The following PRKG1 variants were observed in gnomAD, a reference collection of about 807,000 sequenced individuals.
The protein encoded by PRKG1 is cGMP-dependent protein kinase 1.
In PRKG1, 35 loss-of-function variants were observed where a neutral mutation model predicts 88.1. That is an observed-to-expected ratio of 0.40 (90% CI 0.30 to 0.53). PRKG1 has a LOEUF of 0.53. Among genes scored for constraint, PRKG1 ranks in the 20% least tolerant of loss-of-function variants. The pLI is 0.59. For missense variants in PRKG1, 540 were observed against 839.8 expected (o/e 0.64, Z 4.41); for synonymous variants, 303 against 292.5 (o/e 1.04, Z -0.37).
At chr10:51,887,788 T>G (rs1589390104) in intron 4 of PRKG1, among the ~76,000 whole-genome samples, 1 of 152,226 alleles carries the variant, frequency 6.6e-6, no homozygotes, top group East Asian at 1.9e-4. Flanking sequence ...TTTGTTTCTT[T>G]GTTTTTGTTT....
At chr10:51,317,150 C>T (rs1841343331) in intron 2 of PRKG1, among the ~76,000 whole-genome samples, 1 of 152,178 alleles carries the variant, frequency 6.6e-6, no homozygotes, top group African/African-American at 2.4e-5. Context: ...TAGCCAACTG[C>T]ACTTTAGATT....
At chr10:51,674,504 A>G (rs1840661837) in intron 3 of PRKG1, among the ~76,000 whole-genome samples, 1 of 152,190 alleles carries the variant, frequency 6.6e-6, no homozygotes, top group South Asian at 2.1e-4. Context: ...TAAATTTCTT[A>G]TGATATGAAA....
chr10:51,235,953 A>G (rs57957904), intron 2 of PRKG1, among the ~76,000 whole-genome samples: 6,346 of 152,246 alleles, frequency 0.042, 438 homozygotes, highest in African/African-American at 0.14. Flanking sequence ...TTTTGAATGT[A>G]TCAGAATCAC....
intron 2 of PRKG1, among the ~76,000 whole-genome samples, chr10:51,286,593 CAT>C (rs1840446696): frequency 6.6e-6 from 1 of 152,088 alleles, no homozygotes; most frequent in African/African-American, 2.4e-5. Context: ...TTTTAACTGA[CAT>C]ATACAGTTAT....
At chr10:52,222,940 A>T (rs1029071784) in intron 9 of PRKG1, among the ~76,000 whole-genome samples, 4 of 152,140 alleles carry the variant, frequency 2.6e-5, no homozygotes, top group Admixed American at 2.6e-4. Context: ...TTCTTTTGGA[A>T]CATTTGACTT....
At chr10:52,084,901 A>T (rs1846873127) in intron 7 of PRKG1, among the ~76,000 whole-genome samples, 1 of 152,024 alleles carries the variant, frequency 6.6e-6, no homozygotes, top group Non-Finnish European at 1.5e-5. Flanking sequence ...ACTATGCGAC[A>T]GCTTTCTTTG....
intron 2 of PRKG1, among the ~76,000 whole-genome samples, chr10:51,224,828 T>A (rs1203566211): frequency 6.6e-6 from 1 of 152,124 alleles, no homozygotes; most frequent in African/African-American, 2.4e-5. Flanking sequence ...CCACATATGG[T>A]TGAAATTATA....
chr10:52,069,691 G>C (rs11000691), intron 7 of PRKG1, among the ~76,000 whole-genome samples: 1 of 151,802 alleles, frequency 6.6e-6, no homozygotes, highest in Non-Finnish European at 1.5e-5. Flanking sequence ...TCCCACCCGC[G>C]TACTTCCTCT....
chr10:52,160,741 C>T (rs144582744), intron 8 of PRKG1, among the ~76,000 whole-genome samples: 52 of 152,172 alleles, frequency 3.4e-4, no homozygotes, highest in African/African-American at 1.2e-3. Context: ...TTGTTTAATA[C>T]TCACAACACA....
intron 5 of PRKG1, among the ~76,000 whole-genome samples, chr10:51,936,202 T>C (rs1842797050): frequency 6.6e-6 from 1 of 152,002 alleles, no homozygotes; most frequent in Admixed American, 6.6e-5. Flanking sequence ...GGTGCCTCTT[T>C]CCATGTGTTG....
chr10:52,264,497 A>G (rs1191890150), intron 10 of PRKG1, among the ~76,000 whole-genome samples: 1 of 151,974 alleles, frequency 6.6e-6, no homozygotes, highest in African/African-American at 2.4e-5. Flanking sequence ...AACGTGGGTT[A>G]CTTAAACGTA....
At chr10:52,028,729 C>T (rs1233927107) in intron 5 of PRKG1, among the ~76,000 whole-genome samples, 1 of 152,190 alleles carries the variant, frequency 6.6e-6, no homozygotes, top group Non-Finnish European at 1.5e-5. Flanking sequence ...ATATTTTGAA[C>T]TGTACAGACA....
At chr10:52,018,717 A>G (rs1269790881) in intron 5 of PRKG1, among the ~76,000 whole-genome samples, 1 of 152,216 alleles carries the variant, frequency 6.6e-6, no homozygotes, top group Non-Finnish European at 1.5e-5. Flanking sequence ...AGAGTAAAAC[A>G]GGTCAAGAGG....
chr10:51,053,400 T>C (rs976136838), intron 1 of PRKG1, among the ~76,000 whole-genome samples: 3 of 152,204 alleles, frequency 2.0e-5, no homozygotes, highest in Non-Finnish European at 2.9e-5. Flanking sequence ...TTTAAAATTG[T>C]ATTTTTATCT....
intron 5 of PRKG1, among the ~76,000 whole-genome samples, chr10:52,043,194 A>G (rs957510096): frequency 1.3e-5 from 2 of 152,140 alleles, no homozygotes; most frequent in Non-Finnish European, 2.9e-5. Flanking sequence ...GAGCTGTCCT[A>G]TGATTCAGTA....
intron 7 of PRKG1, among the ~76,000 whole-genome samples, chr10:52,068,202 CAAAA>C (rs71032621): frequency 3.6e-4 from 14 of 38,848 alleles, no homozygotes; most frequent in African/African-American, 1.1e-3. Flanking sequence ...AACTCCGTCT[CAAAA>C]AAAAAAAAAA....
chr10:52,164,344 T>C (rs1053711351), intron 9 of PRKG1, among the ~76,000 whole-genome samples: 5 of 143,826 alleles, frequency 3.5e-5, no homozygotes, highest in African/African-American at 5.2e-5. Flanking sequence ...AGAGCAAAAC[T>C]CTGTCTCAAA....
At chr10:51,062,832 G>A (rs1843708290) in intron 1 of PRKG1, 1 of 152,040 alleles carries the variant, frequency 6.6e-6, no homozygotes, top group Admixed American at 6.6e-5. Flanking sequence ...ATGTTGGTCA[G>A]GTTGGTCTCA....
At chr10:52,199,210 A>T (rs1839592329) in intron 9 of PRKG1, among the ~76,000 whole-genome samples, 1 of 152,034 alleles carries the variant, frequency 6.6e-6, no homozygotes, top group East Asian at 1.9e-4. Flanking sequence ...TGACATTTTG[A>T]CCTAGGCATT....
Sources: allele counts gnomAD v4.1 joint callset (sites outside exome capture counted in the v4.1 genomes callset), GRCh38; gene constraint gnomAD v4.1.1; transcripts MANE v1.5; gene names NCBI Gene and HGNC (gene_info 2026-07-23, HGNC 2026-07-21).